The following MED13L variants were observed in gnomAD, a reference collection of about 807,000 sequenced individuals.
MED13L encodes the protein mediator complex subunit 13L, also known as mediator of RNA polymerase II transcription subunit 13-like.
MED13L carries 7 observed loss-of-function variants against 220.9 expected under a neutral mutation model. That is an observed-to-expected ratio of 0.03 (90% CI 0.02 to 0.06). The LOEUF (loss-of-function observed/expected upper bound fraction) is 0.06, where lower values mean the gene tolerates loss of function less well. MED13L is among the 10% of genes least tolerant of loss of function. The pLI, the probability that MED13L is intolerant of heterozygous loss-of-function variation, is 1.00. For missense variants in MED13L, 1,965 were observed against 2,760.5 expected (o/e 0.71, Z 6.46); for synonymous variants, 1,011 against 1,015.2 (o/e 1.00, Z 0.08).
At chr12:115,981,865 C>T (rs935511073) in intron 22 of MED13L, 4 of 155,596 alleles carry the variant, frequency 2.6e-5, no homozygotes, top group Admixed American at 1.9e-4. Context: ...GCTAGAAATA[C>T]ACCAAAATGG....
At chr12:116,266,981 G>C (rs1007850897) in intron 1 of MED13L, among the ~76,000 whole-genome samples, 1 of 152,190 alleles carries the variant, frequency 6.6e-6, no homozygotes, top group African/African-American at 2.4e-5. Flanking sequence ...TGACATGTGT[G>C]TCAAACTAAA....
At chr12:116,116,582 C>T (rs554204053) in intron 2 of MED13L, among the ~76,000 whole-genome samples, 1 of 152,066 alleles carries the variant, frequency 6.6e-6, no homozygotes, top group African/African-American at 2.4e-5. Flanking sequence ...TAACAGAACC[C>T]AAGGAGGGGG....
intron 2 of MED13L, among the ~76,000 whole-genome samples, chr12:116,152,479 G>A (rs1013185809): frequency 5.3e-5 from 8 of 152,138 alleles, no homozygotes; most frequent in African/African-American, 1.9e-4. Context: ...AAGAATGCAA[G>A]CCACAGTCTG....
Position 115,991,042 on chromosome 12 carries a change from C to A in MED13L, c.3912G>T (p.Val1304=), listed in dbSNP as rs753933436. 8 of 1,613,938 alleles carry A rather than the reference C, an allele frequency of 5.0e-6. No individual in the cohort carries two copies. Among genetic ancestry groups the A allele is most frequent in the Non-Finnish European group, 8.5e-7 (1 of 1,180,036 alleles). ...VDEALVRSAT[V]HSWPHSNVLD... is the part of the protein sequence containing the mutation. ...TACCATTGCTGTGAGGCCAAGAGTG[C>A]ACAGTGGCACTTCTCACCAGAGCTT... Residue 1304 remains valine, a synonymous_variant, in exon 17 of 31, where the codon GTG becomes GTT. Coordinates refer to ENST00000281928, the MANE Select transcript of MED13L (RefSeq NM_015335.5). This position sits in a 1 kb window ranked among gnomAD's most constrained non-coding sequence, Gnocchi z 7.7.
intron 1 of MED13L, among the ~76,000 whole-genome samples, chr12:116,244,955 ATAAAAT>A (rs1870973380): frequency 1.3e-5 from 2 of 152,210 alleles, no homozygotes; most frequent in African/African-American, 4.8e-5. Context: ...CAATCACAAA[ATAAAAT>A]TAAAAGAAAA....
intron 2 of MED13L, among the ~76,000 whole-genome samples, chr12:116,143,681 G>A (rs569465720): frequency 1.5e-4 from 23 of 152,094 alleles, no homozygotes; most frequent in Admixed American, 3.3e-4. Context: ...TGGCCTAACC[G>A]ATATAAACAA....
Position 116,193,121 on chromosome 12 carries a change from G to A in MED13L, c.310+44347C>T, listed in dbSNP as rs568622646. The stretch of plus-strand genomic sequence containing the variant: ...TCCAGCCTGGGCAACAGAGCAAGAC[G>A]CCTTCTCAAAAAGAAACAACAACAA... On this transcript the variant is annotated intron_variant, in intron 2 of 30. Coordinates refer to ENST00000281928, the MANE Select transcript of MED13L (RefSeq NM_015335.5). Among the ~76,000 whole-genome samples, 19 of 151,854 alleles carry A rather than the reference G, an allele frequency of 1.3e-4. No homozygotes were observed. In the East Asian group the frequency reaches 3.1e-3, roughly 25 times the overall value.
intron 14 of MED13L, among the ~76,000 whole-genome samples, chr12:115,999,792 C>T (rs949809788): frequency 6.6e-6 from 1 of 152,108 alleles, no homozygotes; most frequent in Non-Finnish European, 1.5e-5. Flanking sequence ...TTCCTGAACG[C>T]ACGCATATAT....
In MED13L at chr12:116,007,516, T is replaced by A; in HGVS notation, c.2133A>T (p.Glu711Asp). The change falls in exon 11 of 31, where the codon GAA becomes GAT. Residue 711 changes from glutamate to aspartate, a missense_variant. By Grantham distance (45) the Glu-to-Asp change is conservative. Around this residue, in one of 10 missense-constraint regions of MED13L, gnomAD observed 818 missense variants for 1,041.2 expected, o/e 0.79. Coordinates refer to ENST00000281928, the MANE Select transcript of MED13L (RefSeq NM_015335.5). ...CTTCAAAGGTATATGGGTCATTCAC[T>A]TCTCCCAAACTGTCTCCAGGTTGTT... is the stretch of plus-strand genomic sequence containing the variant. The part of the protein sequence containing the change: ...LSQQPGDSLG[E>D]VNDPYTFEDG... 6.2e-7 allele frequency: 1 copy of A among 1,614,028 alleles called. No homozygotes were observed. The highest frequency in any genetic ancestry group is 8.5e-7 in the Non-Finnish European group (1 of 1,179,940).
intron 23 of MED13L, among the ~76,000 whole-genome samples, chr12:115,976,074 G>T (rs1055289835): frequency 1.3e-5 from 2 of 151,878 alleles, no homozygotes; most frequent in Non-Finnish European, 2.9e-5. Context: ...CCAGTATGTC[G>T]AAAATAAAAA....
chr12:116,196,032 A>C (rs1415572685), intron 2 of MED13L, among the ~76,000 whole-genome samples: 1 of 152,120 alleles, frequency 6.6e-6, no homozygotes, highest in Non-Finnish European at 1.5e-5. Flanking sequence ...AAGATATATT[A>C]TGGAGGCCAG....
At chr12:115,981,230 A>C (rs1877307574) in intron 22 of MED13L, among the ~76,000 whole-genome samples, 1 of 152,192 alleles carries the variant, frequency 6.6e-6, no homozygotes, top group Non-Finnish European at 1.5e-5. Context: ...GTAAGATCTC[A>C]ATTTATTACA....
At chr12:116,185,542 A>G (rs1321116055) in intron 2 of MED13L, among the ~76,000 whole-genome samples, 1 of 152,206 alleles carries the variant, frequency 6.6e-6, no homozygotes, top group African/African-American at 2.4e-5. Flanking sequence ...AAAATTCCTT[A>G]GCATACTACT....
At chr12:116,023,709 A>T (rs1044204889) in intron 4 of MED13L, among the ~76,000 whole-genome samples, 2 of 152,216 alleles carry the variant, frequency 1.3e-5, no homozygotes, top group African/African-American at 4.8e-5. Flanking sequence ...ATGACATTTC[A>T]CCAGTAGGAA....
chr12:116,228,283 T>C (rs921559035), intron 2 of MED13L, among the ~76,000 whole-genome samples: 4 of 152,200 alleles, frequency 2.6e-5, no homozygotes. Flanking sequence ...CTTGCTAAGA[T>C]CATTAATGAG....
chr12:116,229,106 T>C (rs1869295996), intron 2 of MED13L, among the ~76,000 whole-genome samples: 1 of 152,164 alleles, frequency 6.6e-6, no homozygotes, highest in South Asian at 2.1e-4. Flanking sequence ...CTTAAAGTTT[T>C]CTATGAAAGT....
At chr12:116,207,650 C>A (rs55841728) in intron 2 of MED13L, among the ~76,000 whole-genome samples, 25,936 of 151,928 alleles carry the variant, frequency 0.17, 2,455 homozygotes, top group Middle Eastern at 0.27. Flanking sequence ...TTATGTTGAG[C>A]ATCAGCAGTT....
At chr12:116,003,187 G>T in intron 13 of MED13L, 85 bp from the exon 14 acceptor site, 1 of 1,165,174 alleles carries the variant, frequency 8.6e-7, no homozygotes, top group Non-Finnish European at 1.3e-6. Flanking sequence ...ATGCCTATTG[G>T]TAGATGCCTC....
chr12:116,080,621 T>C (rs765375680), intron 4 of MED13L, among the ~76,000 whole-genome samples: 10 of 152,254 alleles, frequency 6.6e-5, no homozygotes, highest in Non-Finnish European at 1.5e-4. Context: ...TAGACTGTAC[T>C]ACCTTACCTT....
Sources: gnomAD v4.1 joint callset for allele counts (sites outside exome capture counted in the v4.1 genomes callset) on GRCh38, gnomAD v4.1.1 for gene constraint, gnomAD v4.1.1 regional missense constraint, Gnocchi (gnomAD v3.1) non-coding constraint, MANE v1.5 for transcripts, NCBI Gene and HGNC (gene_info 2026-07-23, HGNC 2026-07-21) for gene names.